FGD5: variants seen among roughly 807,000 people sequenced by gnomAD.
FGD5 encodes FYVE, RhoGEF and PH domain-containing protein 5.
A neutral mutation model predicts 133.4 loss-of-function variants in FGD5; 28 were observed. The ratio of observed to expected loss-of-function variants is 0.21; its 90% confidence interval spans 0.16 to 0.29. FGD5 has a LOEUF of 0.29. Ranked by LOEUF, FGD5 falls within the 10% of genes least tolerant of loss-of-function variation. The probability of loss-of-function intolerance (pLI) is 1.00; values close to 1 mark genes in which losing one functional copy is unlikely to be tolerated. For synonymous variants in FGD5, 810 were observed against 776.5 expected (o/e 1.04, Z -0.72); for missense variants, 1,858 against 1,895.2 (o/e 0.98, Z 0.36).
At chr3:14,903,565 C>G (rs1389029552) in intron 9 of FGD5, among the ~76,000 whole-genome samples, 1 of 141,552 alleles carries the variant, frequency 7.1e-6, no homozygotes, top group Non-Finnish European at 1.5e-5. Context: ...CATGTGATCT[C>G]ATTGTTCATT....
intron 1 of FGD5, among the ~76,000 whole-genome samples, chr3:14,831,660 G>C (rs554626314): frequency 6.6e-6 from 1 of 152,180 alleles, no homozygotes; most frequent in East Asian, 1.9e-4. Flanking sequence ...TTGAAAAGGA[G>C]TGTGTTGAAT....
At chr3:14,810,797 T>G (rs2036280106), upstream of FGD5, 1 of 984,064 alleles carries the variant, frequency 1.0e-6, no homozygotes, top group Non-Finnish European at 1.2e-6. Context: ...GGAGTCGCAC[T>G]GGGACCCGCG....
chr3:14,882,051 C>T (rs1201472250), intron 4 of FGD5, among the ~76,000 whole-genome samples: 2 of 152,206 alleles, frequency 1.3e-5, no homozygotes, highest in East Asian at 3.8e-4. Context: ...CTGGTGCTCT[C>T]GGCCCCTCAT....
At chr3:14,841,997 GGGTGT>G (rs1161014078) in intron 1 of FGD5, among the ~76,000 whole-genome samples, 1 of 152,212 alleles carries the variant, frequency 6.6e-6, no homozygotes, top group African/African-American at 2.4e-5. Flanking sequence ...GTAAAGTCTG[GGGTGT>G]GCTTTTGTCC....
intron 1 of FGD5, among the ~76,000 whole-genome samples, chr3:14,829,219 G>T (rs1373579900): frequency 6.6e-6 from 1 of 152,168 alleles, no homozygotes; most frequent in Non-Finnish European, 1.5e-5. Flanking sequence ...GGTGCATGGA[G>T]TTGGGAAGGC....
chr3:14,854,432 T>TATTTATTTATTTATTG (rs374445929), intron 1 of FGD5, among the ~76,000 whole-genome samples: 30 of 143,454 alleles, frequency 2.1e-4, no homozygotes, highest in African/African-American at 6.3e-4. Flanking sequence ...TTTATTTATT[T>TATTTATTTATTTATTG]ATTGAGACGA....
chr3:14,848,873 C>T (rs551964299), intron 1 of FGD5, among the ~76,000 whole-genome samples: 2 of 152,210 alleles, frequency 1.3e-5, no homozygotes, highest in South Asian at 4.1e-4. Flanking sequence ...CTCAGGTCAG[C>T]AAACACTTTC....
At chr3:14,876,762 G>A (rs2037727088) in intron 2 of FGD5, among the ~76,000 whole-genome samples, 1 of 152,174 alleles carries the variant, frequency 6.6e-6, no homozygotes, top group Non-Finnish European at 1.5e-5. Context: ...ATACCTCAGA[G>A]GTTCTCAGGC....
rs36103505 is a variant in FGD5 at position 14,857,155 on chromosome 3, C to CT, written c.2526-6961dup. 1.5e-3 allele frequency among the ~76,000 whole-genome samples: 217 copies of CT among 146,858 alleles called. 3 individuals are homozygous for CT. In the South Asian group the frequency reaches 0.028, roughly 19 times the overall value. ...TGAAATAATGGTTAGAAATGTCATC[C>CT]TTTTTTTTTTTTGTTCTAGAGACAG... is the stretch of plus-strand genomic sequence containing the variant. On this transcript the variant is annotated intron_variant, in intron 1 of 19. Coordinates refer to ENST00000285046, the MANE Select transcript of FGD5 (RefSeq NM_152536.4).
chr3:14,834,069 T>C (rs916033843), intron 1 of FGD5, among the ~76,000 whole-genome samples: 3 of 152,234 alleles, frequency 2.0e-5, no homozygotes, highest in African/African-American at 7.2e-5. Context: ...GGGTCTGTTA[T>C]TGTAATTCTT....
chr3:14,845,212 C>G (rs1328388872), intron 1 of FGD5, among the ~76,000 whole-genome samples: 1 of 152,188 alleles, frequency 6.6e-6, no homozygotes, highest in Non-Finnish European at 1.5e-5. Flanking sequence ...TGAAGGCACC[C>G]TTGGATTGGG....
chr3:14,923,889 G>C (rs34946733), intron 16 of FGD5, 119 bp from the exon 17 acceptor site: 2 of 1,264,176 alleles, frequency 1.6e-6, no homozygotes, highest in African/African-American at 3.0e-5. Flanking sequence ...TTGACTTTCA[G>C]GTCCCACTTA....
chr3:14,925,792 G>T (rs1285980858), intron 17 of FGD5, among the ~76,000 whole-genome samples: 1 of 152,188 alleles, frequency 6.6e-6, no homozygotes, highest in Non-Finnish European at 1.5e-5. Flanking sequence ...CTTGAGTTGA[G>T]GGGCTTAGGT....
chr3:14,844,211 AAAAAAAATATATATATATATATAT>A (rs1223387776), intron 1 of FGD5, among the ~76,000 whole-genome samples: 2 of 41,462 alleles, frequency 4.8e-5, no homozygotes, highest in Non-Finnish European at 9.0e-5. Flanking sequence ...CATTAAAAAA[AAAAAAAATATATATATATATATAT>A]ATATATATAT....
intron 2 of FGD5, among the ~76,000 whole-genome samples, chr3:14,865,852 G>A (rs558126376): frequency 2.0e-5 from 3 of 152,304 alleles, no homozygotes; most frequent in South Asian, 4.1e-4. Flanking sequence ...CCTCTCCCAA[G>A]AAGGAGTATT....
chr3:14,832,398 A>G (rs1007006744), intron 1 of FGD5, among the ~76,000 whole-genome samples: 1 of 152,104 alleles, frequency 6.6e-6, no homozygotes, highest in Non-Finnish European at 1.5e-5. Flanking sequence ...CAGATCAGAA[A>G]ACTAGGGTGT....
In FGD5 at chr3:14,893,752, C is replaced by CTTTTTTTTTTTTTTTTTT. The variant is rs138741627; in HGVS notation, c.2749-3754_2749-3737dup. On this transcript the variant is annotated intron_variant, in intron 4 of 19. Transcript: ENST00000285046. ...TTTCTTTTTCTTTCTTTTCTTTTTTCTTTTTTTTTTTTTTTTTTTTGAGAC... is the reference window on the plus strand; with the variant it reads ...TTTCTTTTTCTTTCTTTTCTTTTTTCTTTTTTTTTTTTTTTTTTTTTTTTTTTTTTTTTTTTTTGAGAC... 2.1e-3 allele frequency among the ~76,000 whole-genome samples: 196 copies of CTTTTTTTTTTTTTTTTTT among 95,046 alleles called. 2 individuals are homozygous for CTTTTTTTTTTTTTTTTTT. The highest frequency in any genetic ancestry group is 0.01 in the Middle Eastern group (1 of 100). 62.4% of individuals were successfully genotyped at this position (95,046 alleles called of 152,430 possible).
chr3:14,911,748 G>C (rs531321329), intron 11 of FGD5, among the ~76,000 whole-genome samples: 1 of 148,962 alleles, frequency 6.7e-6, no homozygotes, highest in Non-Finnish European at 1.5e-5. Context: ...ACAGCCCATT[G>C]TAAATGCAGA....
rs2038707514 is a variant in FGD5, at chr3:14,922,609, C to G, written c.3807+61C>G. On this transcript the variant is annotated intron_variant, in intron 15 of 19. Transcript: ENST00000285046. The surrounding 1 kb of genome is among the most constrained non-coding windows in gnomAD (Gnocchi z 4.1). The stretch of plus-strand genomic sequence containing the variant: ...GGGTGGGGTGGGGGAAGGGCATGTC[C>G]CTGCCCAGCCGGGGGCTCAGGGATG... The G allele has an allele frequency of 6.6e-7, 1 of 1,526,426 alleles. No individual in the cohort carries two copies. Among genetic ancestry groups the G allele is most frequent in the Non-Finnish European group, 8.8e-7 (1 of 1,138,782 alleles). The allele number at this position is 1,526,426 out of a possible 1,614,324, so 94.6% of individuals were successfully genotyped here.
Sources: gnomAD v4.1 joint callset for allele counts (sites outside exome capture counted in the v4.1 genomes callset) on GRCh38, gnomAD v4.1.1 for gene constraint, Gnocchi (gnomAD v3.1) non-coding constraint, MANE v1.5 for transcripts, NCBI Gene and HGNC (gene_info 2026-07-23, HGNC 2026-07-21) for gene names.